The following ABCC2 variants were observed in gnomAD, a reference collection of about 807,000 sequenced individuals.
ABCC2 encodes ATP binding cassette subfamily C member 2.
In ABCC2, 157 loss-of-function variants were observed where a neutral mutation model predicts 173.4. The ratio of observed to expected loss-of-function variants is 0.91; its 90% confidence interval spans 0.80 to 1.03. The LOEUF (loss-of-function observed/expected upper bound fraction) is 1.03. Ranked by LOEUF, ABCC2 falls within the 50% of genes least tolerant of loss-of-function variation. ABCC2 has a pLI of 0.00. For synonymous variants in ABCC2, 657 were observed against 693.5 expected (o/e 0.95, Z 0.83); for missense variants, 1,822 against 1,852.3 (o/e 0.98, Z 0.30).
intron 29 of ABCC2, 81 bp downstream of exon 29, chr10:99,845,863 T>C: frequency 6.9e-7 from 1 of 1,449,430 alleles, no homozygotes; most frequent in Non-Finnish European, 9.4e-7. Context: ...CTTCTTGATG[T>C]CTGTTCAGTC....
At chr10:99,811,675 G>GCATTC in intron 15 of ABCC2, 73 bp downstream of exon 15, 3 of 1,507,714 alleles carry the variant, frequency 2.0e-6, no homozygotes, top group Non-Finnish European at 2.8e-6. Flanking sequence ...AAAATTCCAT[G>GCATTC]TAATAGAATG....
intron 5 of ABCC2, 117 bp from the exon 6 acceptor site, chr10:99,794,296 A>G: frequency 2.0e-6 from 2 of 990,780 alleles, no homozygotes; most frequent in Non-Finnish European, 3.1e-6. Flanking sequence ...TGACTTTAAC[A>G]TCATATCTAG....
Position 99,782,818 on chromosome 10 carries a change from C to G in ABCC2, c.-27C>G. 1 of 1,613,420 alleles carries G rather than the reference C, an allele frequency of 6.2e-7. No individual in the cohort carries two copies. Among genetic ancestry groups the G allele is most frequent in the Non-Finnish European group, 8.5e-7 (1 of 1,179,386 alleles). Reference sequence around the variant, plus strand: ...AACACAATCATATTAATAGAAGAGTCTTCGTTCCAGACGCAGTCCAGGAAT... The same window carrying G: ...AACACAATCATATTAATAGAAGAGTGTTCGTTCCAGACGCAGTCCAGGAAT... On this transcript the variant is annotated 5_prime_UTR_variant, in exon 1 of 32. Coordinates refer to ENST00000647814, the MANE Select transcript of ABCC2 (RefSeq NM_000392.5).
chr10:99,830,061 C>T (rs1221845204), intron 19 of ABCC2, among the ~76,000 whole-genome samples: 1 of 152,244 alleles, frequency 6.6e-6, no homozygotes, highest in Non-Finnish European at 1.5e-5. Context: ...TTTTCTTCTC[C>T]ATTTTGACCA....
Position 99,797,078 on chromosome 10 carries a change from T to C in ABCC2, c.633-19T>C. 1 of 1,612,236 alleles carries C rather than the reference T, an allele frequency of 6.2e-7. No homozygotes were observed. ...GACCCAGCCTGGGGGTCTCAGCCTG[T>C]GGTTCGCTCTTGTTCCAGCATCATT... On this transcript the variant is annotated intron_variant, in intron 6 of 31. Coordinates refer to ENST00000647814, the MANE Select transcript of ABCC2 (RefSeq NM_000392.5).
At chr10:99,839,267 C>T (rs1176591636) in intron 25 of ABCC2, among the ~76,000 whole-genome samples, 4 of 98,604 alleles carry the variant, frequency 4.1e-5, no homozygotes, top group African/African-American at 7.6e-5. Context: ...CCGGACGGGG[C>T]GGCTGGCCGG....
At chr10:99,814,446 T>C (rs1223893924) in intron 16 of ABCC2, among the ~76,000 whole-genome samples, 1 of 91,884 alleles carries the variant, frequency 1.1e-5, no homozygotes, top group African/African-American at 5.5e-5. Flanking sequence ...TACACACATA[T>C]GTGTGTATAT....
chr10:99,844,170 G>A, intron 27 of ABCC2, 152 bp from the exon 28 acceptor site: 4 of 947,318 alleles, frequency 4.2e-6, no homozygotes, highest in Non-Finnish European at 6.5e-6. Flanking sequence ...CTTTCCAAAA[G>A]TGCAAGTCTA....
intron 11 of ABCC2, among the ~76,000 whole-genome samples, chr10:99,806,140 T>C (rs2038100015): frequency 6.6e-6 from 1 of 151,260 alleles, no homozygotes; most frequent in African/African-American, 2.4e-5. Context: ...AACTAGGTTA[T>C]TTGTCCTATT....
intron 9 of ABCC2, among the ~76,000 whole-genome samples, chr10:99,800,852 C>A (rs1485244691): frequency 6.6e-6 from 1 of 152,202 alleles, no homozygotes; most frequent in African/African-American, 2.4e-5. Flanking sequence ...GGCTACCCAT[C>A]CATCTCTTCC....
rs747591710 is a variant in ABCC2, at chr10:99,818,896, C to T, written c.2378C>T (p.Ala793Val). Residue 793 changes from alanine (A) to valine (V), a missense_variant, in exon 18 of 32, where the codon GCT becomes GTT. Transcript: ENST00000647814. ...GATGACCCCCTGTCTGCAGTGGATG[C>T]TCATGTAGGAAAACATATTTTTAAT... Reference protein sequence around the residue: ...LLDDPLSAVDAHVGKHIFNKV... With the variant: ...LLDDPLSAVDVHVGKHIFNKV... 6.2e-7 allele frequency: 1 copy of T among 1,614,064 alleles called. No homozygotes were observed. The highest frequency in any genetic ancestry group is 1.6e-4 in the Middle Eastern group (1 of 6,062).
At chr10:99,820,189 C>T (rs557408019) in intron 19 of ABCC2, among the ~76,000 whole-genome samples, 3 of 151,876 alleles carry the variant, frequency 2.0e-5, no homozygotes, top group Admixed American at 6.5e-5. Context: ...GTCAGGAGTT[C>T]GAGGCCAGCC....
At chr10:99,805,497 G>A (rs2038084811) in intron 11 of ABCC2, 50 bp downstream of exon 11, 1 of 1,565,184 alleles carries the variant, frequency 6.4e-7, no homozygotes, top group Admixed American at 1.7e-5. Context: ...CAGAAGCAGT[G>A]GCTCTCTTGG....
chr10:99,826,865 A>G (rs1301545423), intron 19 of ABCC2, among the ~76,000 whole-genome samples: 8 of 143,164 alleles, frequency 5.6e-5, no homozygotes, highest in South Asian at 2.3e-4. Flanking sequence ...CCTCTTTCAT[A>G]TCTTTTAGCA....
intron 2 of ABCC2, among the ~76,000 whole-genome samples, chr10:99,787,155 CA>C (rs71305558): frequency 6.4e-4 from 92 of 143,996 alleles, no homozygotes; most frequent in Admixed American, 1.2e-3. Flanking sequence ...GACTCTGTCT[CA>C]AAAAAAAAAA....
rs907708998 is a variant in ABCC2, at chr10:99,847,183, C to T, written c.4313+56C>T. ...GCAATGAGAGGATGTGAGGGGGCCA[C>T]TCCTCGTGTTCCTCGTGTTAGGTGA... On this transcript the variant is annotated intron_variant, in intron 30 of 31. Coordinates refer to ENST00000647814, the MANE Select transcript of ABCC2 (RefSeq NM_000392.5). 34 of 1,593,132 alleles carry T rather than the reference C, an allele frequency of 2.1e-5. No homozygotes were observed. In the African/African-American group the frequency reaches 4.3e-4, roughly 20 times the overall value.
At chr10:99,831,244 G>C (rs548350368) in intron 21 of ABCC2, among the ~76,000 whole-genome samples, 3 of 152,246 alleles carry the variant, frequency 2.0e-5, no homozygotes, top group South Asian at 4.1e-4. Flanking sequence ...TTTAGATACA[G>C]GGTCTCACTA....
Position 99,797,114 on chromosome 10 carries a change from A to G in ABCC2, c.650A>G (p.Tyr217Cys). 2.5e-6 allele frequency: 4 copies of G among 1,614,138 alleles called. No individual in the cohort carries two copies. Among genetic ancestry groups the G allele is most frequent in the Non-Finnish European group, 3.4e-6 (4 of 1,179,984 alleles). ...SWYDSIILKG[Y>C]KRPLTLEDVW... ...TGTTCCAGCATCATTCTGAAAGGCTACAAGCGTCCTCTGACACTCGAGGAT... is the reference window on the plus strand; with the variant it reads ...TGTTCCAGCATCATTCTGAAAGGCTGCAAGCGTCCTCTGACACTCGAGGAT... Residue 217 changes from tyrosine to cysteine, a missense_variant, in exon 7 of 32, where the codon TAC (tyrosine) becomes TGC (cysteine). Coordinates refer to ENST00000647814, the MANE Select transcript of ABCC2 (RefSeq NM_000392.5).
intron 16 of ABCC2, among the ~76,000 whole-genome samples, chr10:99,814,574 CATAT>C (rs1191379897): frequency 5.2e-5 from 5 of 96,924 alleles, no homozygotes; most frequent in Non-Finnish European, 2.2e-5. Context: ...TATACACACA[CATAT>C]GTGTATATAC....
Sources: allele counts gnomAD v4.1 joint callset (sites outside exome capture counted in the v4.1 genomes callset), GRCh38; gene constraint gnomAD v4.1.1; transcripts MANE v1.5; gene names NCBI Gene and HGNC (gene_info 2026-07-23, HGNC 2026-07-21).